The following PRDM16 variants were observed in gnomAD, a reference collection of about 807,000 sequenced individuals.
The protein encoded by PRDM16 is histone-lysine N-methyltransferase PRDM16.
Under a neutral mutation model 110.6 loss-of-function variants are expected in PRDM16, and 23 were observed. That is an observed-to-expected ratio of 0.21 (90% CI 0.15 to 0.29). The LOEUF (loss-of-function observed/expected upper bound fraction) is 0.29, where lower values mean the gene tolerates loss of function less well. Ranked by LOEUF, PRDM16 falls within the 10% of genes least tolerant of loss-of-function variation. The probability of loss-of-function intolerance (pLI) is 1.00; values close to 1 mark genes in which losing one functional copy is unlikely to be tolerated. For missense variants in PRDM16, 1,615 were observed against 1,794.3 expected, an observed-to-expected ratio of 0.90 and a Z score of 1.81; for synonymous variants, 799 against 781.8, an observed-to-expected ratio of 1.02 and a Z score of -0.37.
chr1:3,114,417 C>G (rs1642893802), intron 1 of PRDM16, among the ~76,000 whole-genome samples: 3 of 121,392 alleles, frequency 2.5e-5, no homozygotes. Context: ...CACGCACACA[C>G]ATGCACACAC....
intron 5 of PRDM16, among the ~76,000 whole-genome samples, chr1:3,400,419 G>A (rs1342417806): frequency 6.6e-6 from 1 of 152,168 alleles, no homozygotes; most frequent in African/African-American, 2.4e-5. Flanking sequence ...TTGCAGGCTT[G>A]AATCACATTT....
chr1:3,096,417 T>C (rs370566490), intron 1 of PRDM16, among the ~76,000 whole-genome samples: 1 of 151,958 alleles, frequency 6.6e-6, no homozygotes, highest in African/African-American at 2.4e-5. Flanking sequence ...GTCGGAGCCA[T>C]AGGGGAAGGA....
At chr1:3,186,545 G>A (rs1644270838) in intron 2 of PRDM16, 71 bp downstream of exon 2, 1 of 1,079,476 alleles carries the variant, frequency 9.3e-7, no homozygotes, top group African/African-American at 1.6e-5. Context: ...ATAAAGCCGG[G>A]CTGAGCAGCC....
chr1:3,337,186 CAT>C (rs1557618709), intron 3 of PRDM16, among the ~76,000 whole-genome samples: 3 of 151,934 alleles, frequency 2.0e-5, no homozygotes, highest in African/African-American at 4.8e-5. Context: ...CATGCATCCA[CAT>C]GTGTGTTGGT....
At chr1:3,129,356 C>T (rs531745402) in intron 1 of PRDM16, among the ~76,000 whole-genome samples, 17 of 130,564 alleles carry the variant, frequency 1.3e-4, no homozygotes, top group East Asian at 4.6e-4. Context: ...TGTGTGTGTG[C>T]GCACGTGGGT....
chr1:3,257,007 G>A (rs1178130671), intron 3 of PRDM16, among the ~76,000 whole-genome samples: 1 of 152,242 alleles, frequency 6.6e-6, no homozygotes, highest in Non-Finnish European at 1.5e-5. Flanking sequence ...CCTTATTGCT[G>A]AGATAATGGA....
At position 3,426,357 on chromosome 1, in the gene PRDM16, A is replaced by AC. The variant is rs1638605302; in HGVS notation, c.3284+134dup. On this transcript the variant is annotated intron_variant, in intron 14 of 16. Coordinates refer to ENST00000270722, the MANE Select transcript of PRDM16 (RefSeq NM_022114.4). ...TCCAGATAGGCGCAGTGGGGGCCTCACCACAGAGGGTGAGGCCCCTGGGCT... is the reference window on the plus strand; with the variant it reads ...TCCAGATAGGCGCAGTGGGGGCCTCACCCACAGAGGGTGAGGCCCCTGGGCT... 16 of 660,592 alleles carry AC rather than the reference A, an allele frequency of 2.4e-5. No homozygotes were observed. The Admixed American group carries it at 2.9e-4, about 12-fold the overall frequency. The allele number at this position is 660,592 out of a possible 1,614,324, so 40.9% of individuals were successfully genotyped here.
chr1:3,229,657 C>T (rs2100882198), intron 2 of PRDM16, among the ~76,000 whole-genome samples: 1 of 152,322 alleles, frequency 6.6e-6, no homozygotes, highest in East Asian at 1.9e-4. Context: ...GTCACTGAAC[C>T]TGCTGTCCGT....
At chr1:3,115,634 G>A (rs1272893120) in intron 1 of PRDM16, among the ~76,000 whole-genome samples, 1 of 152,224 alleles carries the variant, frequency 6.6e-6, no homozygotes, top group African/African-American at 2.4e-5. Context: ...GGGGGCCACG[G>A]AGGGTCTTGG....
intron 1 of PRDM16, among the ~76,000 whole-genome samples, chr1:3,166,601 C>T (rs1247484502): frequency 6.6e-6 from 1 of 152,210 alleles, no homozygotes; most frequent in African/African-American, 2.4e-5. Flanking sequence ...CCTCGCATCG[C>T]CAGTAACCGC....
At chr1:3,317,250 T>C (rs1315388173) in intron 3 of PRDM16, among the ~76,000 whole-genome samples, 7 of 152,138 alleles carry the variant, frequency 4.6e-5, no homozygotes, top group African/African-American at 1.7e-4. Flanking sequence ...TCCTATGACC[T>C]AAACAAGGGA....
At chr1:3,373,670 G>A (rs1642944686) in intron 3 of PRDM16, among the ~76,000 whole-genome samples, 1 of 152,182 alleles carries the variant, frequency 6.6e-6, no homozygotes, top group African/African-American at 2.4e-5. Flanking sequence ...CTTCTCTCCT[G>A]GGGGTGCTGG....
intron 3 of PRDM16, among the ~76,000 whole-genome samples, chr1:3,351,018 C>T (rs111790605): frequency 6.6e-6 from 1 of 152,368 alleles, no homozygotes; most frequent in Non-Finnish European, 1.5e-5. Context: ...GTCTGCAGAG[C>T]TGCTGGTTGG....
chr1:3,274,682 G>A (rs1017416794), intron 3 of PRDM16, among the ~76,000 whole-genome samples: 7 of 152,222 alleles, frequency 4.6e-5, no homozygotes, highest in African/African-American at 7.2e-5. Flanking sequence ...TGCGAGCTGC[G>A]TGATTATTAC....
intron 8 of PRDM16, among the ~76,000 whole-genome samples, chr1:3,407,498 C>T (rs77653881): frequency 0.014 from 2,077 of 152,312 alleles, 25 homozygotes; most frequent in South Asian, 0.062. Context: ...CAGCACGGTG[C>T]GAGCTGGGCA....
In PRDM16 at chr1:3,245,610, G is replaced by A. The variant is rs1380476379; in HGVS notation, c.438+1473G>A. Among the ~76,000 whole-genome samples the A allele has an allele frequency of 3.3e-5, 5 of 152,110 alleles. No homozygotes were observed. The highest frequency in any genetic ancestry group is 7.2e-5 in the African/African-American group (3 of 41,408). On this transcript the variant is annotated intron_variant, in intron 3 of 16. Transcript: ENST00000270722. This position sits in a 1 kb window ranked among gnomAD's most constrained non-coding sequence, Gnocchi z 4.7. Reference sequence around the variant, plus strand: ...GACAAGGTGTCGGCTCTCAGTCCCCGCCGTCCACAGGATGCCTGAGGTCTT... The same window carrying A: ...GACAAGGTGTCGGCTCTCAGTCCCCACCGTCCACAGGATGCCTGAGGTCTT...
rs929197960 is a variant in PRDM16, at chr1:3,353,094, G to A, written c.439-32058G>A. 2.0e-5 allele frequency among the ~76,000 whole-genome samples: 3 copies of A among 152,318 alleles called. No individual in the cohort carries two copies. The highest frequency in any genetic ancestry group is 2.9e-5 in the Non-Finnish European group (2 of 68,026). On this transcript the variant is annotated intron_variant, in intron 3 of 16. Coordinates refer to ENST00000270722, the MANE Select transcript of PRDM16 (RefSeq NM_022114.4). This position sits in a 1 kb window ranked among gnomAD's most constrained non-coding sequence, Gnocchi z 5.4. ...AAGTCAGGAAAGGGAGGCTGCAGCC[G>A]CACACCCGAAGAGCTCGAAAGCTGG...
intron 3 of PRDM16, among the ~76,000 whole-genome samples, chr1:3,263,966 G>A (rs1302562810): frequency 6.6e-6 from 1 of 152,078 alleles, no homozygotes; most frequent in African/African-American, 2.4e-5. Context: ...CACTTCATCC[G>A]AGGGTTCCAG....
chr1:3,388,830 G>A (rs1643245961), intron 4 of PRDM16, among the ~76,000 whole-genome samples: 1 of 152,180 alleles, frequency 6.6e-6, no homozygotes, highest in Admixed American at 6.5e-5. Flanking sequence ...CCCATCCCGG[G>A]CTCCTCCTGG....
Sources: gnomAD v4.1 joint callset for allele counts (sites outside exome capture counted in the v4.1 genomes callset) on GRCh38, gnomAD v4.1.1 for gene constraint, Gnocchi (gnomAD v3.1) non-coding constraint, MANE v1.5 for transcripts, NCBI Gene and HGNC (gene_info 2026-07-23, HGNC 2026-07-21) for gene names.